Variants in PDS5B observed in about 807,000 individuals in gnomAD.
The protein encoded by PDS5B is sister chromatid cohesion protein PDS5 homolog B.
In PDS5B, 51 loss-of-function variants were observed where a neutral mutation model predicts 184.1. That is an observed-to-expected ratio of 0.28 (90% confidence interval 0.22 to 0.35). The LOEUF (loss-of-function observed/expected upper bound fraction) is 0.35. Among genes scored for constraint, PDS5B ranks in the 10% least tolerant of loss-of-function variants. The probability of loss-of-function intolerance (pLI) is 1.00; values close to 1 mark genes in which losing one functional copy is unlikely to be tolerated. For missense variants in PDS5B, 1,180 were observed against 1,723.3 expected (o/e 0.68, Z 5.58); for synonymous variants, 566 against 569.2 (o/e 0.99, Z 0.08).
chr13:32,742,794 A>T (rs1412020192), intron 23 of PDS5B, 67 bp downstream of exon 23: 1 of 1,352,268 alleles, frequency 7.4e-7, no homozygotes, highest in Non-Finnish European at 1.0e-6. Context: ...TAACTGTTCA[A>T]TGGTGCTGTT....
intron 1 of PDS5B, among the ~76,000 whole-genome samples, chr13:32,623,319 T>TA (rs1306694644): frequency 1.1e-4 from 17 of 152,148 alleles, no homozygotes; most frequent in African/African-American, 3.9e-4. Flanking sequence ...CAAGTAATTA[T>TA]AAAAAAGGGG....
Position 32,590,573 on chromosome 13 carries a change from G to A in PDS5B, c.-20+3980G>A, listed in dbSNP as rs895388568. Among the ~76,000 whole-genome samples, 5 of 152,188 alleles carry A rather than the reference G, an allele frequency of 3.3e-5. No homozygotes were observed. In the South Asian group the frequency reaches 8.3e-4, roughly 25 times the overall value. On this transcript the variant is annotated intron_variant, in intron 1 of 34. Transcript: ENST00000315596. ...AGATTAGATCCCATAAGGAGAAGGA[G>A]GGGCTCTTATAACCAAGACCATTGT...
intron 19 of PDS5B, among the ~76,000 whole-genome samples, chr13:32,714,286 C>CGGT (rs1952302201): frequency 1.3e-5 from 2 of 152,172 alleles, no homozygotes; most frequent in African/African-American, 4.8e-5. Flanking sequence ...TGAGATCAAC[C>CGGT]GGTCTGACCA....
intron 1 of PDS5B, among the ~76,000 whole-genome samples, chr13:32,608,818 C>T (rs901341686): frequency 6.6e-6 from 1 of 152,172 alleles, no homozygotes; most frequent in African/African-American, 2.4e-5. Context: ...GCTGTGAGCC[C>T]AGTTGCTACC....
At chr13:32,761,352 T>A (rs1011645851) in intron 30 of PDS5B, among the ~76,000 whole-genome samples, 1 of 152,226 alleles carries the variant, frequency 6.6e-6, no homozygotes, top group African/African-American at 2.4e-5. Context: ...TTGTTTTTTT[T>A]AAATTCAACT....
chr13:32,681,509 A>G (rs1462335194), intron 10 of PDS5B, among the ~76,000 whole-genome samples: 1 of 152,018 alleles, frequency 6.6e-6, no homozygotes, highest in South Asian at 2.1e-4. Context: ...CTGTAATCGC[A>G]GCTACCCGGG....
At chr13:32,715,096 TC>T (rs1952333159) in intron 19 of PDS5B, among the ~76,000 whole-genome samples, 1 of 152,336 alleles carries the variant, frequency 6.6e-6, no homozygotes, top group Non-Finnish European at 1.5e-5. Flanking sequence ...CTGTTTGGGG[TC>T]CCTGACTTCC....
intron 33 of PDS5B, among the ~76,000 whole-genome samples, chr13:32,772,266 G>A (rs1444197146): frequency 6.6e-6 from 1 of 152,056 alleles, no homozygotes; most frequent in Non-Finnish European, 1.5e-5. Context: ...TTATCAAGAG[G>A]GATCCATTTG....
At chr13:32,667,969 T>C in intron 7 of PDS5B, 125 bp downstream of exon 7, 1 of 471,868 alleles carries the variant, frequency 2.1e-6, no homozygotes, top group South Asian at 5.2e-5. Context: ...TTTTAACCCT[T>C]AAGTAATATA....
chr13:32,767,685 G>A (rs1954627924), intron 31 of PDS5B, among the ~76,000 whole-genome samples: 2 of 152,072 alleles, frequency 1.3e-5, no homozygotes, highest in African/African-American at 4.8e-5. Context: ...AGATAGGGAG[G>A]ACCTATATGT....
intron 7 of PDS5B, among the ~76,000 whole-genome samples, chr13:32,669,594 C>G (rs1199015549): frequency 3.3e-5 from 5 of 152,098 alleles, no homozygotes; most frequent in Non-Finnish European, 1.5e-5. Context: ...AAGGTAAAAA[C>G]ATTTCTTTAT....
At chr13:32,642,621 A>T (rs1328291084) in intron 1 of PDS5B, among the ~76,000 whole-genome samples, 1 of 152,112 alleles carries the variant, frequency 6.6e-6, no homozygotes, top group African/African-American at 2.4e-5. Context: ...TGTTCATAAG[A>T]CTGAAGTGCA....
chr13:32,683,383 C>T (rs1408470363), intron 10 of PDS5B, among the ~76,000 whole-genome samples: 3 of 145,284 alleles, frequency 2.1e-5, no homozygotes, highest in Non-Finnish European at 4.5e-5. Flanking sequence ...TGCAATGATG[C>T]GATCTCCGCT....
chr13:32,721,112 A>G (rs1216953344), intron 19 of PDS5B, among the ~76,000 whole-genome samples: 2 of 152,246 alleles, frequency 1.3e-5, no homozygotes, highest in African/African-American at 4.8e-5. Flanking sequence ...TCTATTCGAC[A>G]AAACCACCAT....
intron 3 of PDS5B, among the ~76,000 whole-genome samples, chr13:32,655,374 A>ATATATATATATATATTTTTTTTTTT: frequency 1.4e-5 from 1 of 72,466 alleles, no homozygotes. Context: ...ATATATATAT[A>ATATATATATATATATTTTTTTTTTT]TTTTTTTTTT....
At chr13:32,683,223 C>T (rs995474886) in intron 10 of PDS5B, among the ~76,000 whole-genome samples, 8 of 151,834 alleles carry the variant, frequency 5.3e-5, no homozygotes, top group Non-Finnish European at 1.2e-4. Flanking sequence ...CCGTGTTGGC[C>T]AGGCTGGTCT....
rs776836267 is a variant in PDS5B, at chr13:32,732,244, CTTGT to C, written c.2247+23_2247+26del. The C allele has an allele frequency of 1.3e-5, 20 of 1,567,320 alleles. No individual in the cohort carries two copies. Among genetic ancestry groups the C allele is most frequent in the East Asian group, 2.3e-5 (1 of 44,194 alleles). On this transcript the variant is annotated intron_variant, in intron 20 of 34. Coordinates refer to ENST00000315596, the MANE Select transcript of PDS5B (RefSeq NM_015032.4). ...TTTGAGGTAATGAGAAAAAAATTTT[CTTGT>C]TTATTTCATATGTCATAGTTACAAA... is the stretch of plus-strand genomic sequence containing the variant.
At chr13:32,604,332 T>C (rs188369937) in intron 1 of PDS5B, among the ~76,000 whole-genome samples, 1 of 152,342 alleles carries the variant, frequency 6.6e-6, no homozygotes, top group Non-Finnish European at 1.5e-5. Flanking sequence ...TTTGAGATAA[T>C]CATGTGGTTT....
intron 28 of PDS5B, 82 bp from the exon 29 acceptor site, chr13:32,759,546 G>A (rs903348711): frequency 2.2e-5 from 13 of 579,432 alleles, no homozygotes; most frequent in Non-Finnish European, 3.3e-5. Flanking sequence ...TAAAAAAACT[G>A]CTGTTTGCTT....
Sources: gnomAD v4.1 joint callset for allele counts (sites outside exome capture counted in the v4.1 genomes callset) on GRCh38, gnomAD v4.1.1 for gene constraint, MANE v1.5 for transcripts, NCBI Gene and HGNC (gene_info 2026-07-23, HGNC 2026-07-21) for gene names.